TOP1: variants seen among roughly 807,000 people sequenced by gnomAD.
TOP1 encodes DNA topoisomerase 1.
In TOP1, 10 loss-of-function variants were observed where a neutral mutation model predicts 111.1. The observed-to-expected ratio is 0.09, with a 90% CI of 0.06 to 0.15. The LOEUF is 0.15. Ranked by LOEUF, TOP1 falls within the 10% of genes least tolerant of loss-of-function variation. The pLI is 1.00. For missense variants in TOP1, 474 were observed against 926.7 expected, an observed-to-expected ratio of 0.51 and a Z score of 6.34; for synonymous variants, 271 against 302.9, an observed-to-expected ratio of 0.89 and a Z score of 1.10.
chr20:41,099,248 T>G (rs899704530), intron 11 of TOP1, among the ~76,000 whole-genome samples: 2 of 152,262 alleles, frequency 1.3e-5, no homozygotes, highest in Non-Finnish European at 2.9e-5. Context: ...CATCAGACTT[T>G]GTGTCTCAGG....
chr20:41,099,374 G>A (rs867229199), intron 11 of TOP1, among the ~76,000 whole-genome samples: 1 of 152,174 alleles, frequency 6.6e-6, no homozygotes, highest in Non-Finnish European at 1.5e-5. Context: ...TTGATCCAAA[G>A]ATAGATTTTA....
At chr20:41,048,405 A>C (rs113487830) in intron 2 of TOP1, among the ~76,000 whole-genome samples, 2,937 of 152,312 alleles carry the variant, frequency 0.019, 100 homozygotes, top group African/African-American at 0.066. Flanking sequence ...GCACTCAAGC[A>C]TTTAAAATTT....
In TOP1 at chr20:41,110,374, T is replaced by C. The variant is rs1197826507; in HGVS notation, c.1309-2408T>C. Among the ~76,000 whole-genome samples, 1 of 152,182 alleles carries C rather than the reference T, an allele frequency of 6.6e-6. No individual in the cohort carries two copies. The highest frequency in any genetic ancestry group is 1.5e-5 in the Non-Finnish European group (1 of 68,024). ...ATCTAGACTAGGCAAAATTTATCCA[T>C]GATGATAGTAATCAGATTGAAGGAT... is the stretch of plus-strand genomic sequence containing the variant. On this transcript the variant is annotated intron_variant, in intron 13 of 20. Coordinates refer to ENST00000361337, the MANE Select transcript of TOP1 (RefSeq NM_003286.4). The surrounding 1 kb of genome is among the most constrained non-coding windows in gnomAD (Gnocchi z 4.2).
intron 8 of TOP1, among the ~76,000 whole-genome samples, chr20:41,089,748 G>A (rs560288000): frequency 9.2e-4 from 140 of 151,928 alleles, no homozygotes; most frequent in African/African-American, 3.3e-3. Context: ...ACCTTTTTAC[G>A]TTCCTACCAG....
At chr20:41,077,775 G>T (rs1344618185) in intron 5 of TOP1, 138 bp downstream of exon 5, 5 of 749,986 alleles carry the variant, frequency 6.7e-6, no homozygotes, top group Non-Finnish European at 1.1e-5. Context: ...TCAGCAGTGA[G>T]AAGACTCGGT....
chr20:41,073,651 C>G (rs749799837), intron 3 of TOP1, among the ~76,000 whole-genome samples: 1 of 152,050 alleles, frequency 6.6e-6, no homozygotes, highest in African/African-American at 2.4e-5. Context: ...AGTTTAAATC[C>G]CAGCTTTTCT....
chr20:41,041,795 A>C (rs2033268662), intron 2 of TOP1, among the ~76,000 whole-genome samples: 1 of 152,190 alleles, frequency 6.6e-6, no homozygotes. Context: ...AAGTTGATCT[A>C]TCTGAACTTT....
At position 41,109,252 on chromosome 20, in the gene TOP1, C is replaced by A. The variant is rs1457581052; in HGVS notation, c.1309-3530C>A. 2.0e-5 allele frequency among the ~76,000 whole-genome samples: 3 copies of A among 152,130 alleles called. No homozygotes were observed. Among genetic ancestry groups the A allele is most frequent in the Admixed American group, 2.0e-4 (3 of 15,274 alleles). Reference sequence around the variant, plus strand: ...GAGTTCTATTAGAGAAAATAAGACACAAGCTCATTAAAAATATATATATAT... The same window carrying A: ...GAGTTCTATTAGAGAAAATAAGACAAAAGCTCATTAAAAATATATATATAT... On this transcript the variant is annotated intron_variant, in intron 13 of 20. Coordinates refer to ENST00000361337, the MANE Select transcript of TOP1 (RefSeq NM_003286.4). The surrounding 1 kb of genome is among the most constrained non-coding windows in gnomAD (Gnocchi z 4.1).
intron 2 of TOP1, among the ~76,000 whole-genome samples, chr20:41,057,084 G>A (rs1247913781): frequency 1.3e-5 from 2 of 152,054 alleles, no homozygotes; most frequent in Non-Finnish European, 2.9e-5. Flanking sequence ...TCGGCAACAC[G>A]GTGAAACCCC....
chr20:41,098,377 T>A lies in TOP1; in HGVS notation c.975+40T>A. On this transcript the variant is annotated intron_variant, in intron 11 of 20. Coordinates refer to ENST00000361337, the MANE Select transcript of TOP1 (RefSeq NM_003286.4). The surrounding 1 kb of genome is among the most constrained non-coding windows in gnomAD (Gnocchi z 5.7). ...ATTAAACCTCTGGAGAATTCTGGAA[T>A]TGTGATTGGTTCATTTAACTTTCTT... 6.3e-7 allele frequency: 1 copy of A among 1,594,298 alleles called. No homozygotes were observed. Among genetic ancestry groups the A allele is most frequent in the Non-Finnish European group, 8.5e-7 (1 of 1,171,402 alleles).
chr20:41,041,264 A>C (rs572736922), intron 2 of TOP1, among the ~76,000 whole-genome samples: 1 of 152,034 alleles, frequency 6.6e-6, no homozygotes, highest in African/African-American at 2.4e-5. Flanking sequence ...CCTGGGCAAC[A>C]TGTCGGGACC....
rs2033763120 is a variant in TOP1 at position 41,079,340 on chromosome 20, T to C, written c.336-745T>C. Among the ~76,000 whole-genome samples, 3 of 152,206 alleles carry C rather than the reference T, an allele frequency of 2.0e-5. No homozygotes were observed. In the South Asian group the frequency reaches 6.2e-4, roughly 32 times the overall value. On this transcript the variant is annotated intron_variant, in intron 5 of 20. Transcript: ENST00000361337. This position sits in a 1 kb window ranked among gnomAD's most constrained non-coding sequence, Gnocchi z 4.0. The stretch of plus-strand genomic sequence containing the variant: ...TGGCTGCAGTGATTGCTGGGCTCTA[T>C]GGTGTTTTTTACTTGTTCCTTCTCT...
Position 41,122,574 on chromosome 20 carries a change from G to A in TOP1, c.2195+419G>A, listed in dbSNP as rs2034440082. ...GATAAAGATGAGAATACAGATCTGA[G>A]CAACTTACACAGAGAGGCAGAGGGA... On this transcript the variant is annotated intron_variant, in intron 20 of 20. Transcript: ENST00000361337. The surrounding 1 kb of genome is among the most constrained non-coding windows in gnomAD (Gnocchi z 5.4). 6.6e-6 allele frequency among the ~76,000 whole-genome samples: 1 copy of A among 152,190 alleles called. No individual in the cohort carries two copies. Among genetic ancestry groups the A allele is most frequent in the East Asian group, 1.9e-4 (1 of 5,192 alleles).
At chr20:41,117,226 A>G (rs1163873513) in intron 17 of TOP1, among the ~76,000 whole-genome samples, 1 of 151,728 alleles carries the variant, frequency 6.6e-6, no homozygotes, top group Non-Finnish European at 1.5e-5. Context: ...GGCGGTGTGC[A>G]CCTGTCATCC....
chr20:41,099,171 A>G (rs1457174865), intron 11 of TOP1, among the ~76,000 whole-genome samples: 1 of 152,196 alleles, frequency 6.6e-6, no homozygotes, highest in Admixed American at 6.5e-5. Context: ...GATATAACTC[A>G]TTGTTTCATG....
chr20:41,115,725 A>G lies in TOP1; in HGVS notation c.1707+286A>G, dbSNP rs866350678. ...AGAGCTTTCCCTTCACTGAATGCCCAGCCACCCCTGCTGGAGACCCAAAAC... is the reference window on the plus strand; with the variant it reads ...AGAGCTTTCCCTTCACTGAATGCCCGGCCACCCCTGCTGGAGACCCAAAAC... On this transcript the variant is annotated intron_variant, in intron 16 of 20. Coordinates refer to ENST00000361337, the MANE Select transcript of TOP1 (RefSeq NM_003286.4). This position sits in a 1 kb window ranked among gnomAD's most constrained non-coding sequence, Gnocchi z 6.3. 7.2e-5 allele frequency among the ~76,000 whole-genome samples: 11 copies of G among 152,224 alleles called. No homozygotes were observed. The highest frequency in any genetic ancestry group is 2.7e-4 in the African/African-American group (11 of 41,454).
chr20:41,070,986 G>A (rs184158915), intron 3 of TOP1, among the ~76,000 whole-genome samples: 23 of 152,328 alleles, frequency 1.5e-4, no homozygotes, highest in Admixed American at 9.8e-4. Context: ...TATCAAATGT[G>A]CTTAGATGAG....
intron 3 of TOP1, among the ~76,000 whole-genome samples, chr20:41,063,655 A>G (rs1420288329): frequency 6.6e-6 from 1 of 152,090 alleles, no homozygotes; most frequent in East Asian, 1.9e-4. Flanking sequence ...ATGATATCTC[A>G]TTGTGGTTTT....
chr20:41,051,112 G>A (rs965911267), intron 2 of TOP1, among the ~76,000 whole-genome samples: 1 of 152,180 alleles, frequency 6.6e-6, no homozygotes, highest in African/African-American at 2.4e-5. Flanking sequence ...TCAGAGAAGA[G>A]CAGAGATTAT....
Sources: allele counts gnomAD v4.1 joint callset (sites outside exome capture counted in the v4.1 genomes callset), GRCh38; gene constraint gnomAD v4.1.1; non-coding constraint Gnocchi (gnomAD v3.1); transcripts MANE v1.5; gene names NCBI Gene and HGNC (gene_info 2026-07-23, HGNC 2026-07-21).